RFX3: variants seen among roughly 807,000 people sequenced by gnomAD.
The protein encoded by RFX3 is regulatory factor X3.
In RFX3, 14 loss-of-function variants were observed where a neutral mutation model predicts 98.6. The observed-to-expected ratio is 0.14, with a 90% CI of 0.09 to 0.22. The LOEUF is 0.22. Ranked by LOEUF, RFX3 falls within the 10% of genes least tolerant of loss-of-function variation. The pLI is 1.00. For missense variants in RFX3, 639 were observed against 926.9 expected (o/e 0.69, Z 4.03); for synonymous variants, 383 against 328.4 (o/e 1.17, Z -1.80).
intron 1 of RFX3, among the ~76,000 whole-genome samples, chr9:3,510,424 T>C (rs954960656): frequency 5.9e-5 from 9 of 152,064 alleles, no homozygotes; most frequent in African/African-American, 9.7e-5. Flanking sequence ...GAGGAGTTAC[T>C]CAAACATAGA....
At position 3,389,508 on chromosome 9, in the gene RFX3, A is replaced by G. The variant is rs887350837; in HGVS notation, c.117+5964T>C. ...TGTCTATATTTGGAAATAAGACTCT[A>G]TGATGTTTTGTGAGATCATGAAAAG... On this transcript the variant is annotated intron_variant, in intron 2 of 16. Transcript: ENST00000617270. 2.6e-5 allele frequency among the ~76,000 whole-genome samples: 4 copies of G among 152,124 alleles called. 1 individual carries two copies. Among genetic ancestry groups the G allele is most frequent in the Admixed American group, 2.6e-4 (4 of 15,258 alleles).
intron 6 of RFX3, 116 bp from the exon 7 acceptor site, chr9:3,288,366 G>T: frequency 1.3e-6 from 1 of 784,402 alleles, no homozygotes; most frequent in Admixed American, 2.3e-5. Context: ...GTAAGTTAAT[G>T]TTACATATTT....
chr9:3,255,034 C>T lies in RFX3; in HGVS notation c.1814+1957G>A, dbSNP rs183063821. On this transcript the variant is annotated intron_variant, in intron 14 of 16. Transcript: ENST00000617270. ...ACAAAAACAAAACAACAGCAAAAAA[C>T]TGGTTGGCTTTCTTTCATTGCATTT... 2.0e-3 allele frequency among the ~76,000 whole-genome samples: 307 copies of T among 152,284 alleles called. 3 individuals are homozygous for T. The highest frequency in any genetic ancestry group is 7.1e-3 in the African/African-American group (295 of 41,560).
intron 5 of RFX3, among the ~76,000 whole-genome samples, chr9:3,294,078 A>C (rs1827712545): frequency 6.6e-6 from 1 of 152,196 alleles, no homozygotes; most frequent in Non-Finnish European, 1.5e-5. Context: ...ATGTACAAGA[A>C]AATTTTAGAA....
chr9:3,338,342 A>G (rs998084610), intron 3 of RFX3, among the ~76,000 whole-genome samples: 1 of 152,228 alleles, frequency 6.6e-6, no homozygotes, highest in African/African-American at 2.4e-5. Flanking sequence ...TGGGGAGGAA[A>G]TGCAAGAATA....
intron 14 of RFX3, among the ~76,000 whole-genome samples, chr9:3,252,804 A>C (rs765126345): frequency 2.0e-5 from 3 of 152,216 alleles, no homozygotes; most frequent in Non-Finnish European, 4.4e-5. Flanking sequence ...AAGTTTAAAA[A>C]AAAATTTATT....
intron 4 of RFX3, among the ~76,000 whole-genome samples, chr9:3,329,807 A>T (rs1018341331): frequency 1.3e-5 from 2 of 152,242 alleles, no homozygotes; most frequent in Non-Finnish European, 2.9e-5. Context: ...GCTGGCTTAC[A>T]TAATATAACT....
intron 1 of RFX3, among the ~76,000 whole-genome samples, chr9:3,408,215 C>A (rs1842131126): frequency 6.6e-6 from 1 of 152,140 alleles, no homozygotes; most frequent in Non-Finnish European, 1.5e-5. Flanking sequence ...GTATTTAACT[C>A]TCCTTCCTAA....
At chr9:3,514,710 A>G (rs972303823) in intron 1 of RFX3, among the ~76,000 whole-genome samples, 9 of 152,152 alleles carry the variant, frequency 5.9e-5, no homozygotes, top group Non-Finnish European at 1.2e-4. Flanking sequence ...CAGCCTCCCA[A>G]TGTGCTGGGA....
chr9:3,400,237 G>C (rs1841336937), intron 1 of RFX3: 2 of 981,254 alleles, frequency 2.0e-6, no homozygotes, highest in South Asian at 9.4e-5. Flanking sequence ...TGAATTTTTA[G>C]AATGAGACAG....
chr9:3,357,156 C>T (rs1485373924), intron 2 of RFX3, among the ~76,000 whole-genome samples: 1 of 151,942 alleles, frequency 6.6e-6, no homozygotes, highest in Non-Finnish European at 1.5e-5. Flanking sequence ...TTAAGTGCAT[C>T]CCAATCATAT....
chr9:3,391,271 C>T (rs1056203372), intron 2 of RFX3, among the ~76,000 whole-genome samples: 3 of 151,914 alleles, frequency 2.0e-5, no homozygotes, highest in Non-Finnish European at 2.9e-5. Flanking sequence ...TTTATATCCA[C>T]GGGGACACCA....
At chr9:3,250,307 G>C (rs923041592) in intron 14 of RFX3, among the ~76,000 whole-genome samples, 2 of 151,930 alleles carry the variant, frequency 1.3e-5, no homozygotes, top group Non-Finnish European at 2.9e-5. Flanking sequence ...AAGATAGCAA[G>C]TATTTAAAAT....
At chr9:3,234,164 G>C (rs982218943) in intron 15 of RFX3, among the ~76,000 whole-genome samples, 2 of 152,098 alleles carry the variant, frequency 1.3e-5, no homozygotes, top group African/African-American at 4.8e-5. Context: ...AGCAAAATAT[G>C]AAAGTGTATG....
chr9:3,306,244 T>G (rs1179297916), intron 4 of RFX3, among the ~76,000 whole-genome samples: 1 of 151,988 alleles, frequency 6.6e-6, no homozygotes, highest in Non-Finnish European at 1.5e-5. Context: ...ACAAAGATAT[T>G]ATATCCCCAT....
chr9:3,373,985 G>C (rs1380203866), intron 2 of RFX3, among the ~76,000 whole-genome samples: 1 of 152,082 alleles, frequency 6.6e-6, no homozygotes, highest in Non-Finnish European at 1.5e-5. Flanking sequence ...GGCTGAAGCA[G>C]AAGAATCGCT....
At chr9:3,252,157 C>T (rs973927675) in intron 14 of RFX3, among the ~76,000 whole-genome samples, 1 of 152,148 alleles carries the variant, frequency 6.6e-6, no homozygotes, top group Non-Finnish European at 1.5e-5. Context: ...GGAGAATGTT[C>T]ATAACAAGTA....
intron 1 of RFX3, among the ~76,000 whole-genome samples, chr9:3,471,163 C>T (rs1423966405): frequency 6.6e-6 from 1 of 152,046 alleles, no homozygotes; most frequent in Non-Finnish European, 1.5e-5. Flanking sequence ...CAAATCTGTC[C>T]CACTCACAGC....
At chr9:3,301,651 C>G in intron 4 of RFX3, 31 bp from the exon 5 acceptor site, 1 of 1,496,768 alleles carries the variant, frequency 6.7e-7, no homozygotes, top group South Asian at 1.2e-5. Context: ...AAAAAGGGCT[C>G]AAGACAAGAT....
Sources: allele counts gnomAD v4.1 joint callset (sites outside exome capture counted in the v4.1 genomes callset), GRCh38; gene constraint gnomAD v4.1.1; transcripts MANE v1.5; gene names NCBI Gene and HGNC (gene_info 2026-07-23, HGNC 2026-07-21).